The following SETBP1 variants were observed in gnomAD, a reference collection of about 807,000 sequenced individuals.
SETBP1 encodes SET binding protein 1.
A neutral mutation model predicts 101.0 loss-of-function variants in SETBP1; 9 were observed. The ratio of observed to expected loss-of-function variants is 0.09; its 90% CI spans 0.05 to 0.16. SETBP1 has a LOEUF of 0.16. Ranked by LOEUF, SETBP1 falls within the 10% of genes least tolerant of loss-of-function variation. SETBP1 has a pLI of 1.00. For synonymous variants in SETBP1, 818 were observed against 788.5 expected, an observed-to-expected ratio of 1.04 and a Z score of -0.63; for missense variants, 1,858 against 2,033.8, an observed-to-expected ratio of 0.91 and a Z score of 1.66.
intron 2 of SETBP1, among the ~76,000 whole-genome samples, chr18:44,798,117 T>C (rs1320085479): frequency 1.3e-5 from 2 of 152,204 alleles, no homozygotes; most frequent in Admixed American, 1.3e-4. Context: ...ATGCAACATC[T>C]GGAGATTCAT....
At chr18:44,994,734 A>G (rs991736630) in intron 4 of SETBP1, among the ~76,000 whole-genome samples, 2 of 152,232 alleles carry the variant, frequency 1.3e-5, no homozygotes, top group African/African-American at 4.8e-5. Context: ...ACATCTACAC[A>G]TATCAGCTGA....
intron 2 of SETBP1, among the ~76,000 whole-genome samples, chr18:44,747,642 A>G (rs1451807314): frequency 6.6e-6 from 1 of 152,282 alleles, no homozygotes; most frequent in East Asian, 1.9e-4. Context: ...GAGAAATATG[A>G]AAGTCAGTAT....
chr18:44,768,589 C>T (rs1380384669), intron 2 of SETBP1, among the ~76,000 whole-genome samples: 1 of 152,188 alleles, frequency 6.6e-6, no homozygotes, highest in African/African-American at 2.4e-5. Flanking sequence ...TTCATATTCA[C>T]CAAGATTTTT....
chr18:44,917,778 T>G (rs2070472114), intron 3 of SETBP1, among the ~76,000 whole-genome samples: 1 of 152,146 alleles, frequency 6.6e-6, no homozygotes, highest in Non-Finnish European at 1.5e-5. Context: ...GTCCTTGGCT[T>G]CAGCACTCAA....
At chr18:44,780,026 A>G (rs910753258) in intron 2 of SETBP1, among the ~76,000 whole-genome samples, 2 of 152,104 alleles carry the variant, frequency 1.3e-5, no homozygotes, top group African/African-American at 2.4e-5. Flanking sequence ...CTTTGGGACT[A>G]CTTAAGAGAG....
At chr18:44,720,427 T>A (rs916642829) in intron 2 of SETBP1, among the ~76,000 whole-genome samples, 2 of 152,136 alleles carry the variant, frequency 1.3e-5, no homozygotes, top group African/African-American at 4.8e-5. Flanking sequence ...CATATATATT[T>A]GAGAAAAAAA....
chr18:44,900,763 C>A (rs988555309), intron 3 of SETBP1, among the ~76,000 whole-genome samples: 4 of 152,156 alleles, frequency 2.6e-5, no homozygotes, highest in African/African-American at 4.8e-5. Flanking sequence ...ATTCTGAGCA[C>A]ACACTAGTTG....
intron 2 of SETBP1, among the ~76,000 whole-genome samples, chr18:44,797,283 A>T (rs1165326294): frequency 6.6e-6 from 1 of 152,242 alleles, no homozygotes; most frequent in Non-Finnish European, 1.5e-5. Flanking sequence ...TTTGAATAAT[A>T]GCACTTTCTG....
chr18:44,728,384 C>T (rs377622326), intron 2 of SETBP1, among the ~76,000 whole-genome samples: 2 of 152,010 alleles, frequency 1.3e-5, no homozygotes, highest in Non-Finnish European at 2.9e-5. Context: ...ACAAGGCATG[C>T]GGGTCTCGGG....
intron 5 of SETBP1, among the ~76,000 whole-genome samples, chr18:45,049,817 G>A (rs1447138791): frequency 1.3e-5 from 2 of 152,058 alleles, no homozygotes; most frequent in Non-Finnish European, 2.9e-5. Context: ...GGAATTTAGG[G>A]GGTTGGAAAA....
intron 4 of SETBP1, among the ~76,000 whole-genome samples, chr18:45,014,554 G>C (rs1189214559): frequency 6.6e-6 from 1 of 152,186 alleles, no homozygotes; most frequent in Non-Finnish European, 1.5e-5. Flanking sequence ...CCTAGGGACG[G>C]CTTGCTGAAT....
chr18:44,800,985 C>T (rs1304395779), intron 2 of SETBP1, among the ~76,000 whole-genome samples: 3 of 152,132 alleles, frequency 2.0e-5, no homozygotes, highest in Non-Finnish European at 4.4e-5. Flanking sequence ...TTTGTAGGGA[C>T]ATGGATGAAG....
chr18:44,715,317 G>A (rs2069439456), intron 2 of SETBP1, among the ~76,000 whole-genome samples: 1 of 152,246 alleles, frequency 6.6e-6, no homozygotes, highest in South Asian at 2.1e-4. Flanking sequence ...CAGCGGCAGT[G>A]AGGCGTGGTA....
intron 2 of SETBP1, among the ~76,000 whole-genome samples, chr18:44,819,496 C>G (rs1238310690): frequency 2.0e-5 from 3 of 152,148 alleles, no homozygotes; most frequent in Non-Finnish European, 4.4e-5. Context: ...GAAATGGAAG[C>G]TTTTTCTCTC....
At chr18:44,902,826 G>T (rs554835511) in intron 3 of SETBP1, among the ~76,000 whole-genome samples, 1 of 152,080 alleles carries the variant, frequency 6.6e-6, no homozygotes, top group African/African-American at 2.4e-5. Context: ...AGCAATAAAT[G>T]AAAATATGGA....
chr18:44,736,880 T>C (rs1298269032), intron 2 of SETBP1, among the ~76,000 whole-genome samples: 1 of 152,220 alleles, frequency 6.6e-6, no homozygotes. Context: ...AGCCTACTCT[T>C]ATCTCCATTG....
chr18:44,797,652 C>T (rs575604515), intron 2 of SETBP1, among the ~76,000 whole-genome samples: 1 of 152,124 alleles, frequency 6.6e-6, no homozygotes, highest in Non-Finnish European at 1.5e-5. Flanking sequence ...AAAACAGAGT[C>T]CTGCTCTTTC....
intron 2 of SETBP1, among the ~76,000 whole-genome samples, chr18:44,710,375 C>G (rs1005238723): frequency 2.0e-5 from 3 of 151,646 alleles, no homozygotes; most frequent in African/African-American, 7.3e-5. Flanking sequence ...GAGTCTGAGG[C>G]CTTGGTTCAG....
intron 3 of SETBP1, among the ~76,000 whole-genome samples, chr18:44,924,487 G>A (rs2035740351): frequency 1.3e-5 from 2 of 152,146 alleles, no homozygotes; most frequent in Non-Finnish European, 2.9e-5. Flanking sequence ...GAGTAGAACT[G>A]TGTATACCCT....
Sources: allele counts gnomAD v4.1 joint callset (sites outside exome capture counted in the v4.1 genomes callset), GRCh38; gene constraint gnomAD v4.1.1; transcripts MANE v1.5; gene names NCBI Gene and HGNC (gene_info 2026-07-23, HGNC 2026-07-21).